CSMD1: variants seen among roughly 807,000 people sequenced by gnomAD.
The protein encoded by CSMD1 is CUB and Sushi multiple domains 1.
In CSMD1, 213 loss-of-function variants were observed where a neutral mutation model predicts 417.5. That is an observed-to-expected ratio of 0.51 (90% CI 0.46 to 0.57). CSMD1 has a LOEUF of 0.57. Among genes scored for constraint, CSMD1 ranks in the 20% least tolerant of loss-of-function variants. The probability of loss-of-function intolerance (pLI) is 0.00; values close to 1 mark genes in which losing one functional copy is unlikely to be tolerated. For missense variants in CSMD1, 6,923 were observed against 4,529.7 expected (o/e 1.53, Z -15.17); for synonymous variants, 2,862 against 1,736.8 (o/e 1.65, Z -16.11).
chr8:4,255,371 G>T (rs1803382431), intron 3 of CSMD1, among the ~76,000 whole-genome samples: 1 of 152,134 alleles, frequency 6.6e-6, no homozygotes. Context: ...CCCAGAGAAA[G>T]GTGACTGAGC....
chr8:4,311,880 G>A (rs1433965742), intron 3 of CSMD1, among the ~76,000 whole-genome samples: 2 of 152,032 alleles, frequency 1.3e-5, no homozygotes, highest in Non-Finnish European at 2.9e-5. Flanking sequence ...ATACCTGGGT[G>A]ATCAAATAAT....
At chr8:4,027,766 T>A (rs1193358583) in intron 4 of CSMD1, among the ~76,000 whole-genome samples, 1 of 152,044 alleles carries the variant, frequency 6.6e-6, no homozygotes, top group East Asian at 1.9e-4. Context: ...AATAAATAAC[T>A]AAAATAACAT....
At chr8:3,990,603 G>GT (rs919097422) in intron 5 of CSMD1, among the ~76,000 whole-genome samples, 21 of 152,292 alleles carry the variant, frequency 1.4e-4, no homozygotes, top group Admixed American at 1.0e-3. Context: ...CTTTGAAATA[G>GT]TTTTTTAACT....
intron 39 of CSMD1, among the ~76,000 whole-genome samples, chr8:3,152,666 A>T (rs1819271952): frequency 6.6e-6 from 1 of 152,228 alleles, no homozygotes; most frequent in African/African-American, 2.4e-5. Context: ...AGCTACAAAC[A>T]TTTAAAAGTA....
intron 2 of CSMD1, among the ~76,000 whole-genome samples, chr8:4,546,952 C>A (rs1052265913): frequency 1.3e-5 from 2 of 152,108 alleles, no homozygotes; most frequent in African/African-American, 2.4e-5. Context: ...TACAGGATAG[C>A]CTCATTCACG....
At chr8:4,548,271 C>T (rs889644741) in intron 2 of CSMD1, among the ~76,000 whole-genome samples, 3 of 151,970 alleles carry the variant, frequency 2.0e-5, no homozygotes, top group South Asian at 2.1e-4. Flanking sequence ...TGAAAACTAT[C>T]GAAAAAAGTT....
At chr8:3,739,042 T>C (rs1365529379) in intron 6 of CSMD1, among the ~76,000 whole-genome samples, 2 of 152,246 alleles carry the variant, frequency 1.3e-5, no homozygotes, top group African/African-American at 2.4e-5. Context: ...TTCTGTTTTC[T>C]AGTTATGTTC....
intron 46 of CSMD1, among the ~76,000 whole-genome samples, chr8:3,097,320 C>A (rs1193991010): frequency 6.6e-6 from 1 of 152,170 alleles, no homozygotes; most frequent in African/African-American, 2.4e-5. Context: ...TCCTGGATTT[C>A]ATCATACAAT....
chr8:4,022,755 T>G (rs1320481548), intron 4 of CSMD1, among the ~76,000 whole-genome samples: 2 of 152,064 alleles, frequency 1.3e-5, no homozygotes, highest in Admixed American at 6.5e-5. Context: ...ACTAGAAACT[T>G]TGGGAATCAG....
In CSMD1 at chr8:4,269,607, C is replaced by T. The variant is rs181368304; in HGVS notation, c.415+150346G>A. On this transcript the variant is annotated intron_variant, in intron 3 of 69. Coordinates refer to ENST00000635120, the MANE Select transcript of CSMD1 (RefSeq NM_033225.6). ...AAGCATCCTTCACATACAGTTTAACCTCATTTTTTATACGTATATTGTAAA... is the reference window on the plus strand; with the variant it reads ...AAGCATCCTTCACATACAGTTTAACTTCATTTTTTATACGTATATTGTAAA... Among the ~76,000 whole-genome samples the T allele has an allele frequency of 9.2e-5, 14 of 152,170 alleles. No individual in the cohort carries two copies. The East Asian group carries it at 2.1e-3, about 23-fold the overall frequency.
At chr8:4,829,660 A>C (rs1454601058) in intron 1 of CSMD1, among the ~76,000 whole-genome samples, 1 of 151,904 alleles carries the variant, frequency 6.6e-6, no homozygotes, top group Non-Finnish European at 1.5e-5. Flanking sequence ...GGATCGCTTA[A>C]ATCCAGGATG....
At chr8:3,015,393 T>G (rs1349806348) in intron 52 of CSMD1, among the ~76,000 whole-genome samples, 1 of 152,174 alleles carries the variant, frequency 6.6e-6, no homozygotes, top group Non-Finnish European at 1.5e-5. Flanking sequence ...ATTGGATGAT[T>G]TGCTTTTTAA....
intron 3 of CSMD1, among the ~76,000 whole-genome samples, chr8:4,039,030 A>G (rs1243521668): frequency 1.4e-5 from 2 of 145,858 alleles, no homozygotes; most frequent in Non-Finnish European, 3.0e-5. Flanking sequence ...GTATCTTTCC[A>G]AAAGAAAAGT....
intron 1 of CSMD1, among the ~76,000 whole-genome samples, chr8:4,883,029 C>A (rs1371259171): frequency 6.6e-6 from 1 of 152,056 alleles, no homozygotes; most frequent in Admixed American, 6.5e-5. Context: ...TTCCACAAAG[C>A]ACCAATAACA....
intron 5 of CSMD1, among the ~76,000 whole-genome samples, chr8:3,788,126 T>C (rs759120713): frequency 1.3e-5 from 2 of 152,194 alleles, no homozygotes; most frequent in African/African-American, 2.4e-5. Flanking sequence ...TTCTTTAAAA[T>C]ATTCTCAGGA....
chr8:4,707,658 G>A (rs139815659), intron 1 of CSMD1, among the ~76,000 whole-genome samples: 1,699 of 151,900 alleles, frequency 0.011, 24 homozygotes, highest in East Asian at 0.058. Context: ...AGGCCGAGGC[G>A]GGCGGATCAC....
chr8:3,888,353 C>T (rs146450484), intron 5 of CSMD1, among the ~76,000 whole-genome samples: 311 of 152,306 alleles, frequency 2.0e-3, no homozygotes, highest in African/African-American at 7.2e-3. Flanking sequence ...GGTGATTACT[C>T]AGTCAGATGA....
At chr8:3,284,018 C>G in intron 26 of CSMD1, 126 bp downstream of exon 26, 1 of 859,612 alleles carries the variant, frequency 1.2e-6, no homozygotes, top group South Asian at 1.7e-5. Context: ...ATTTTCCTAA[C>G]TTCAAATTAG....
intron 2 of CSMD1, among the ~76,000 whole-genome samples, chr8:4,465,199 G>A (rs974375912): frequency 2.0e-5 from 3 of 152,120 alleles, no homozygotes; most frequent in East Asian, 1.9e-4. Context: ...CAAACCAGGA[G>A]GATGCCACAT....
Sources: allele counts gnomAD v4.1 joint callset (sites outside exome capture counted in the v4.1 genomes callset), GRCh38; gene constraint gnomAD v4.1.1; transcripts MANE v1.5; gene names NCBI Gene and HGNC (gene_info 2026-07-23, HGNC 2026-07-21).